Variants in EPB41L5 observed in about 807,000 individuals in gnomAD.
EPB41L5 encodes the protein erythrocyte membrane protein band 4.1 like 5.
A neutral mutation model predicts 106.6 loss-of-function variants in EPB41L5; 55 were observed. The observed-to-expected ratio is 0.52, with a 90% CI of 0.42 to 0.65. EPB41L5 has a LOEUF of 0.65. Among genes scored for constraint, EPB41L5 ranks in the 30% least tolerant of loss-of-function variants. EPB41L5 has a pLI of 0.00. For missense variants in EPB41L5, 871 were observed against 882.1 expected (o/e 0.99, Z 0.16); for synonymous variants, 297 against 306.7 (o/e 0.97, Z 0.33).
intron 9 of EPB41L5, 22 bp from the exon 10 acceptor site, chr2:120,078,471 C>G: frequency 6.6e-7 from 1 of 1,511,974 alleles, no homozygotes; most frequent in Non-Finnish European, 9.0e-7. Context: ...AAAGCTAACA[C>G]ATTTTTCTCC....
Position 120,175,175 on chromosome 2 carries a change from C to G in EPB41L5, c.*268C>G, listed in dbSNP as rs991933660. On this transcript the variant is annotated 3_prime_UTR_variant, in exon 25 of 25. Transcript: ENST00000263713. ...ACAAATTCCCGAAAGAAGGGAATTT[C>G]TTTTTCTGGGGTTTCCTTCAAACTC... is the stretch of plus-strand genomic sequence containing the variant. 3 of 427,246 alleles carry G rather than the reference C, an allele frequency of 7.0e-6. No homozygotes were observed. The South Asian group carries it at 8.9e-5, about 13-fold the overall frequency. 26.5% of individuals were successfully genotyped at this position (427,246 alleles called of 1,614,324 possible).
chr2:120,165,050 C>T, intron 22 of EPB41L5, 140 bp downstream of exon 22: 2 of 612,958 alleles, frequency 3.3e-6, no homozygotes, highest in Non-Finnish European at 5.6e-6. Context: ...AACCACTTAG[C>T]ATTGCCTCTC....
chr2:120,089,249 G>C lies in EPB41L5; in HGVS notation c.874-1098G>C, dbSNP rs974802476. On this transcript the variant is annotated intron_variant, in intron 11 of 24. Coordinates refer to ENST00000263713, the MANE Select transcript of EPB41L5 (RefSeq NM_020909.4). Reference sequence around the variant, plus strand: ...CTAGATTTAACATTTTTTACATTTTGCTTCAGTTCTCTTTTAGAGAAAGAT... The same window carrying C: ...CTAGATTTAACATTTTTTACATTTTCCTTCAGTTCTCTTTTAGAGAAAGAT... Among the ~76,000 whole-genome samples, 4 of 152,052 alleles carry C rather than the reference G, an allele frequency of 2.6e-5. No individual in the cohort carries two copies. In the East Asian group the frequency reaches 7.7e-4, roughly 29 times the overall value.
chr2:120,055,052 G>A (rs764105918), intron 3 of EPB41L5, among the ~76,000 whole-genome samples: 8 of 151,966 alleles, frequency 5.3e-5, no homozygotes, highest in South Asian at 2.1e-4. Context: ...CTTTAGCAGA[G>A]ATGGGGTTTG....
At chr2:120,128,567 G>A (rs578160305) in intron 17 of EPB41L5, among the ~76,000 whole-genome samples, 2 of 152,110 alleles carry the variant, frequency 1.3e-5, no homozygotes, top group Non-Finnish European at 2.9e-5. Flanking sequence ...ATAATATTTA[G>A]TAATTTAGAA....
intron 3 of EPB41L5, among the ~76,000 whole-genome samples, chr2:120,071,397 C>T (rs1020859441): frequency 1.3e-5 from 2 of 152,238 alleles, no homozygotes; most frequent in African/African-American, 4.8e-5. Context: ...TGAAAATGGC[C>T]ATACTGCTCA....
At chr2:120,137,412 A>G (rs535752525) in intron 18 of EPB41L5, among the ~76,000 whole-genome samples, 4 of 152,162 alleles carry the variant, frequency 2.6e-5, no homozygotes, top group South Asian at 4.1e-4. Context: ...CAAAAGATCA[A>G]TAAAATAAAA....
intron 3 of EPB41L5, among the ~76,000 whole-genome samples, chr2:120,072,677 G>A (rs953705098): frequency 2.6e-5 from 4 of 152,028 alleles, no homozygotes; most frequent in Non-Finnish European, 4.4e-5. Context: ...AACTAACACA[G>A]GAACAGAAAA....
At chr2:120,112,015 C>T (rs896260150) in intron 16 of EPB41L5, among the ~76,000 whole-genome samples, 1 of 152,082 alleles carries the variant, frequency 6.6e-6, no homozygotes, top group Non-Finnish European at 1.5e-5. Context: ...ATTCCGGCAC[C>T]ATCAGGTTTC....
intron 20 of EPB41L5, among the ~76,000 whole-genome samples, chr2:120,151,565 C>T (rs1686676580): frequency 6.6e-6 from 1 of 151,722 alleles, no homozygotes; most frequent in Non-Finnish European, 1.5e-5. Context: ...CCACCTCGGC[C>T]TCCCAAAGTG....
At chr2:120,061,224 TTTTA>T (rs1293420152) in intron 3 of EPB41L5, among the ~76,000 whole-genome samples, 1 of 139,238 alleles carries the variant, frequency 7.2e-6, no homozygotes, top group African/African-American at 2.5e-5. Flanking sequence ...GTATTTTTTT[TTTTA>T]TTTTTTTTTT....
chr2:120,112,380 A>G (rs1166761382), intron 16 of EPB41L5, among the ~76,000 whole-genome samples: 1 of 152,190 alleles, frequency 6.6e-6, no homozygotes, highest in East Asian at 1.9e-4. Context: ...CTCCATATAT[A>G]TTATTTGATT....
intron 18 of EPB41L5, among the ~76,000 whole-genome samples, chr2:120,139,381 G>A (rs913104098): frequency 1.3e-5 from 2 of 151,974 alleles, no homozygotes; most frequent in African/African-American, 4.8e-5. Flanking sequence ...TCAACAAAGT[G>A]AAGAGATGAC....
intron 24 of EPB41L5, among the ~76,000 whole-genome samples, chr2:120,171,236 G>T (rs1187181433): frequency 6.6e-6 from 1 of 152,110 alleles, no homozygotes; most frequent in African/African-American, 2.4e-5. Flanking sequence ...GCCTGAATAG[G>T]GGAGGGAGTA....
chr2:120,065,551 C>CT (rs1681390126), intron 3 of EPB41L5, among the ~76,000 whole-genome samples: 1 of 144,474 alleles, frequency 6.9e-6, no homozygotes, highest in Admixed American at 7.1e-5. Context: ...CTCGCTCACT[C>CT]TGTCACCCAG....
At chr2:120,027,808 G>C (rs1010160707) in intron 2 of EPB41L5, among the ~76,000 whole-genome samples, 28 of 152,222 alleles carry the variant, frequency 1.8e-4, no homozygotes, top group African/African-American at 6.0e-4. Flanking sequence ...TGTTTATTTT[G>C]AATGGGTGAA....
chr2:120,015,721 G>A (rs959816701), intron 1 of EPB41L5, among the ~76,000 whole-genome samples: 3 of 151,686 alleles, frequency 2.0e-5, no homozygotes, highest in Non-Finnish European at 2.9e-5. Flanking sequence ...GGAGGAATCC[G>A]ATTCCCTGAG....
intron 19 of EPB41L5, 71 bp downstream of exon 19, chr2:120,143,202 A>G: frequency 1.4e-6 from 2 of 1,383,180 alleles, no homozygotes; most frequent in Non-Finnish European, 1.9e-6. Context: ...GCCTTCCCCA[A>G]CTCTAAATTC....
At chr2:120,102,236 G>T (rs1310374505) in intron 16 of EPB41L5, among the ~76,000 whole-genome samples, 1 of 152,090 alleles carries the variant, frequency 6.6e-6, no homozygotes, top group Non-Finnish European at 1.5e-5. Flanking sequence ...AAACCTGTTT[G>T]ATTTGATTTG....
Sources: allele counts gnomAD v4.1 joint callset (sites outside exome capture counted in the v4.1 genomes callset), GRCh38; gene constraint gnomAD v4.1.1; transcripts MANE v1.5; gene names NCBI Gene and HGNC (gene_info 2026-07-23, HGNC 2026-07-21).